The following PSD3 variants were observed in gnomAD, a reference collection of about 807,000 sequenced individuals.
PSD3 encodes pleckstrin and Sec7 domain containing 3.
A neutral mutation model predicts 105.5 loss-of-function variants in PSD3; 49 were observed. The ratio of observed to expected loss-of-function variants is 0.46; its 90% CI spans 0.37 to 0.59. The LOEUF (loss-of-function observed/expected upper bound fraction) is 0.59, where lower values mean the gene tolerates loss of function less well. Among genes scored for constraint, PSD3 ranks in the 20% least tolerant of loss-of-function variants. The probability of loss-of-function intolerance (pLI) is 0.00; values close to 1 mark genes in which losing one functional copy is unlikely to be tolerated. For missense variants in PSD3, 1,561 were observed against 1,263.8 expected (o/e 1.24, Z -3.57); for synonymous variants, 557 against 457.8 (o/e 1.22, Z -2.77).
intron 10 of PSD3, among the ~76,000 whole-genome samples, chr8:18,641,669 T>C (rs1807652303): frequency 3.3e-5 from 5 of 152,206 alleles, no homozygotes; most frequent in Admixed American, 3.3e-4. Flanking sequence ...GTGAATTTTA[T>C]GGCATAAAAA....
chr8:19,072,381 C>T (rs1829301266), intron 1 of PSD3, among the ~76,000 whole-genome samples: 1 of 152,152 alleles, frequency 6.6e-6, no homozygotes, highest in Non-Finnish European at 1.5e-5. Context: ...GCCACGGAGC[C>T]CGGATGGTTT....
intron 1 of PSD3, among the ~76,000 whole-genome samples, chr8:19,005,931 T>C (rs1268749840): frequency 6.6e-6 from 1 of 151,664 alleles, no homozygotes; most frequent in Admixed American, 6.6e-5. Flanking sequence ...TAAAGTTGTT[T>C]AAAAAAAGGA....
At chr8:19,081,362 G>A (rs1420626007) in intron 1 of PSD3, among the ~76,000 whole-genome samples, 5 of 152,170 alleles carry the variant, frequency 3.3e-5, no homozygotes, top group African/African-American at 9.7e-5. Flanking sequence ...CAGGCCTCAG[G>A]AAATGTAGGG....
chr8:18,873,912 A>G (rs531492351), intron 2 of PSD3, among the ~76,000 whole-genome samples: 28 of 152,348 alleles, frequency 1.8e-4, no homozygotes, highest in South Asian at 1.2e-3. Flanking sequence ...AACCAAATTT[A>G]TAATATTTTC....
chr8:18,720,171 G>C (rs1802864592), intron 9 of PSD3, among the ~76,000 whole-genome samples: 1 of 151,776 alleles, frequency 6.6e-6, no homozygotes, highest in African/African-American at 2.4e-5. Context: ...AGAGAAGTTG[G>C]AAAACAAAAA....
At chr8:18,564,388 G>C (rs868306955) in intron 14 of PSD3, among the ~76,000 whole-genome samples, 1 of 152,138 alleles carries the variant, frequency 6.6e-6, no homozygotes, top group South Asian at 2.1e-4. Context: ...CAACACTTTG[G>C]GAGGCCGATG....
chr8:18,688,934 G>C (rs1800813046), intron 9 of PSD3, among the ~76,000 whole-genome samples: 1 of 152,194 alleles, frequency 6.6e-6, no homozygotes, highest in African/African-American at 2.4e-5. Flanking sequence ...AGAAAGTGAA[G>C]GTGACTTCCA....
intron 12 of PSD3, among the ~76,000 whole-genome samples, chr8:18,593,483 G>A (rs1420624159): frequency 6.6e-6 from 1 of 152,148 alleles, no homozygotes; most frequent in African/African-American, 2.4e-5. Context: ...AACAGGTGCT[G>A]GAGAGGATGT....
At chr8:19,042,997 A>T (rs892473012) in intron 1 of PSD3, among the ~76,000 whole-genome samples, 9 of 152,238 alleles carry the variant, frequency 5.9e-5, no homozygotes, top group Admixed American at 1.3e-4. Context: ...ATGTTCCTCA[A>T]TTCAACCTAC....
intron 1 of PSD3, among the ~76,000 whole-genome samples, chr8:19,056,458 C>G (rs1310183306): frequency 1.3e-5 from 2 of 152,208 alleles, no homozygotes; most frequent in African/African-American, 4.8e-5. Context: ...AAAGCATGGA[C>G]AAATTCCATG....
chr8:18,735,236 G>A (rs1041701719), intron 9 of PSD3, among the ~76,000 whole-genome samples: 2 of 152,044 alleles, frequency 1.3e-5, no homozygotes, highest in Non-Finnish European at 2.9e-5. Flanking sequence ...ACTACTTACC[G>A]CCAGGGCAGA....
chr8:18,553,592 G>C (rs1800901309), intron 15 of PSD3, among the ~76,000 whole-genome samples: 1 of 152,198 alleles, frequency 6.6e-6, no homozygotes, highest in African/African-American at 2.4e-5. Flanking sequence ...GGCCTGCTCA[G>C]GGAATGCTGC....
At chr8:18,930,533 G>A (rs1563433050) in intron 2 of PSD3, among the ~76,000 whole-genome samples, 1 of 151,716 alleles carries the variant, frequency 6.6e-6, no homozygotes, top group Non-Finnish European at 1.5e-5. Flanking sequence ...TAGTGGTACA[G>A]AACGTATATC....
intron 1 of PSD3, among the ~76,000 whole-genome samples, chr8:19,010,710 A>G (rs190539419): frequency 3.2e-4 from 48 of 152,220 alleles, no homozygotes; most frequent in African/African-American, 1.1e-3. Context: ...CAATATCACA[A>G]ACAACACAAG....
chr8:19,020,778 C>T (rs1827338953), intron 1 of PSD3, among the ~76,000 whole-genome samples: 1 of 152,050 alleles, frequency 6.6e-6, no homozygotes, highest in African/African-American at 2.4e-5. Context: ...CATGAATGTA[C>T]ATTATAAAAG....
rs182003145 is a variant in PSD3 at position 18,841,885 on chromosome 8, A to T, written c.1634+25789T>A. On this transcript the variant is annotated intron_variant, in intron 4 of 15. Transcript: ENST00000327040. ...CCCTAATCCCTTCATTAAAGACTTT[A>T]AAAAAAACTAGACTTTTGATATAAA... Among the ~76,000 whole-genome samples the T allele has an allele frequency of 1.2e-3, 184 of 152,052 alleles. 1 individual carries two copies. Among genetic ancestry groups the T allele is most frequent in the African/African-American group, 4.1e-3 (170 of 41,518 alleles).
At chr8:18,700,632 G>A (rs556269495) in intron 9 of PSD3, among the ~76,000 whole-genome samples, 2 of 152,308 alleles carry the variant, frequency 1.3e-5, no homozygotes, top group South Asian at 2.1e-4. Flanking sequence ...GCCAAGCCTC[G>A]AGACCTCTCA....
chr8:18,778,265 C>A (rs1337234144), intron 8 of PSD3, among the ~76,000 whole-genome samples: 1 of 152,102 alleles, frequency 6.6e-6, no homozygotes, highest in Non-Finnish European at 1.5e-5. Context: ...TCTTTTTCAA[C>A]TAGTTCATTA....
At chr8:18,706,167 G>C (rs542784560) in intron 9 of PSD3, among the ~76,000 whole-genome samples, 2 of 152,274 alleles carry the variant, frequency 1.3e-5, no homozygotes, top group Admixed American at 1.3e-4. Flanking sequence ...GACGCTTAGA[G>C]CAGAGCTCTG....
Sources: gnomAD v4.1 joint callset for allele counts (sites outside exome capture counted in the v4.1 genomes callset) on GRCh38, gnomAD v4.1.1 for gene constraint, MANE v1.5 for transcripts, NCBI Gene and HGNC (gene_info 2026-07-23, HGNC 2026-07-21) for gene names.